The following DOCK6 variants were observed in gnomAD, a reference collection of about 807,000 sequenced individuals.
DOCK6 encodes dedicator of cytokinesis 6.
A neutral mutation model predicts 230.3 loss-of-function variants in DOCK6; 167 were observed. The ratio of observed to expected loss-of-function variants is 0.73; its 90% CI spans 0.64 to 0.82. DOCK6 has a LOEUF of 0.82. Ranked by LOEUF, DOCK6 falls within the 40% of genes least tolerant of loss-of-function variation. DOCK6 has a pLI of 0.00. For missense variants in DOCK6, 2,598 were observed against 2,825.8 expected, an observed-to-expected ratio of 0.92 and a Z score of 1.83; for synonymous variants, 1,148 against 1,185.0, an observed-to-expected ratio of 0.97 and a Z score of 0.64.
chr19:11,238,614 G>A, intron 14 of DOCK6: 1 of 322,644 alleles, frequency 3.1e-6, no homozygotes, highest in Non-Finnish European at 6.0e-6. Flanking sequence ...GCAGAGAATA[G>A]CGAGGCACTC....
At chr19:11,228,343 T>C (rs1308405588) in intron 23 of DOCK6, among the ~76,000 whole-genome samples, 2 of 152,126 alleles carry the variant, frequency 1.3e-5, no homozygotes, top group East Asian at 3.9e-4. Context: ...GAATATCTCC[T>C]GCAGGATGCA....
intron 22 of DOCK6, 39 bp downstream of exon 22, chr19:11,233,164 C>T: frequency 6.2e-7 from 1 of 1,602,414 alleles, no homozygotes; most frequent in Non-Finnish European, 8.5e-7. Flanking sequence ...GCAACCACAA[C>T]CACTGAGGCT....
rs759073489 is a variant in DOCK6, at chr19:11,214,559, G to GA, written c.4196dup (p.Val1400ArgfsTer123). The stretch of plus-strand genomic sequence containing the variant: ...ATGCTGGATCAAGCCCTACCTGCAC[G>GA]ATGATCTCCAGTGTGTCCAGAACCA... On this transcript the variant is annotated frameshift_variant, in exon 33 of 48. Coordinates refer to ENST00000294618, the MANE Select transcript of DOCK6 (RefSeq NM_020812.4). LOFTEE classifies it high-confidence loss of function. 1.9e-6 allele frequency: 3 copies of GA among 1,613,760 alleles called. No homozygotes were observed. Among genetic ancestry groups the GA allele is most frequent in the Non-Finnish European group, 2.5e-6 (3 of 1,179,868 alleles).
At position 11,236,081 on chromosome 19, in the gene DOCK6, T is replaced by G; in HGVS notation, c.2392+265A>C. 1.9e-6 allele frequency: 1 copy of G among 520,188 alleles called. No individual in the cohort carries two copies. Among genetic ancestry groups the G allele is most frequent in the Non-Finnish European group, 3.4e-6 (1 of 297,448 alleles). The allele number at this position is 520,188 out of a possible 1,614,324, so 32.2% of individuals were successfully genotyped here. A position where few individuals can be genotyped will look rare whatever the true frequency, so the allele number is the denominator to read the frequency against. ...TTTTAGTAGAGAAGGGGTTTCTCCA[T>G]GTTGGTCAGGCTGGTCTCAAACTCT... On this transcript the variant is annotated intron_variant, in intron 20 of 47. Transcript: ENST00000294618. The surrounding 1 kb of genome is among the most constrained non-coding windows in gnomAD (Gnocchi z 5.2).
chr19:11,229,294 C>T (rs1380549483), intron 22 of DOCK6: 1 of 1,274,448 alleles, frequency 7.8e-7, no homozygotes. Flanking sequence ...CCTCCCCCCA[C>T]TACCTTCTGC....
intron 3 of DOCK6, 41 bp downstream of exon 3, chr19:11,252,742 G>C: frequency 1.3e-6 from 2 of 1,596,210 alleles, no homozygotes; most frequent in Non-Finnish European, 1.7e-6. Context: ...GGCAGAGACA[G>C]AGTGGAATCA....
In DOCK6 at chr19:11,208,987, G is replaced by A. The variant is rs375864472; in HGVS notation, c.4868C>T (p.Ala1623Val). 33 of 1,610,196 alleles carry A rather than the reference G, an allele frequency of 2.0e-5. No individual in the cohort carries two copies. Among genetic ancestry groups the A allele is most frequent in the Admixed American group, 3.4e-5 (2 of 59,672 alleles). ...HAEAAQCMVH[A>V]AALVAEYLAL... ...GAGGTACTCAGCCACGAGGGCGGCC[G>A]CGTGCACCATGCACTGGGCGGCCTC... is the stretch of plus-strand genomic sequence containing the variant. The change falls in exon 38 of 48, where the codon GCG (alanine) becomes GTG (valine). Residue 1623 changes from alanine (A) to valine (V), a missense_variant. Coordinates refer to ENST00000294618, the MANE Select transcript of DOCK6 (RefSeq NM_020812.4).
chr19:11,252,411 G>A, intron 4 of DOCK6, 71 bp downstream of exon 4: 1 of 1,592,654 alleles, frequency 6.3e-7, no homozygotes, highest in Non-Finnish European at 8.6e-7. Flanking sequence ...TACACAGTAG[G>A]ACCGGCTGCA....
chr19:11,245,825 C>G lies in DOCK6; in HGVS notation c.860G>C (p.Arg287Pro). 6.4e-7 allele frequency: 1 copy of G among 1,573,998 alleles called. No individual in the cohort carries two copies. The highest frequency in any genetic ancestry group is 8.6e-7 in the Non-Finnish European group (1 of 1,159,360). ...IFGILALYDV[R>P]EKKKISENFY... ...AGGGCCTCCTACCTTCTTTTTCTCC[C>G]GCACATCATACAGAGCCAAGATCCC... is the stretch of plus-strand genomic sequence containing the variant. The change falls in exon 8 of 48, where the codon CGG (arginine) becomes CCG (proline). Residue 287 changes from arginine to proline, a missense_variant. Coordinates refer to ENST00000294618, the MANE Select transcript of DOCK6 (RefSeq NM_020812.4).
At chr19:11,253,035 C>A in intron 2 of DOCK6, 77 bp from the exon 3 acceptor site, 9 of 1,433,590 alleles carry the variant, frequency 6.3e-6, no homozygotes, top group Admixed American at 2.2e-5. Context: ...GGTGGGTGCG[C>A]GCTGGCTTCA....
At position 11,199,435 on chromosome 19, in the gene DOCK6, C is replaced by T. The variant is rs1004260711; in HGVS notation, c.*62G>A. 1.9e-6 allele frequency: 3 copies of T among 1,546,470 alleles called. No homozygotes were observed. The highest frequency in any genetic ancestry group is 1.4e-5 in the African/African-American group (1 of 73,042). On this transcript the variant is annotated 3_prime_UTR_variant, in exon 48 of 48. Transcript: ENST00000294618. ...TGGGCACCAGGGCAGACTCCCCTCG[C>T]AGCACAGACAGCTGAGGCCCGGGTG... is the stretch of plus-strand genomic sequence containing the variant.
chr19:11,245,985 C>A, intron 7 of DOCK6, 107 bp from the exon 8 acceptor site: 1 of 1,255,784 alleles, frequency 8.0e-7, no homozygotes, highest in Non-Finnish European at 1.1e-6. Context: ...CCCACTGGGC[C>A]ACATGGAACC....
intron 28 of DOCK6, among the ~76,000 whole-genome samples, chr19:11,220,332 T>C (rs1280591268): frequency 2.0e-5 from 3 of 152,098 alleles, no homozygotes; most frequent in African/African-American, 4.8e-5. Flanking sequence ...TTCTCTCCCC[T>C]AAAAAGTCTC....
intron 28 of DOCK6, among the ~76,000 whole-genome samples, chr19:11,219,970 T>G (rs1359815348): frequency 1.3e-5 from 2 of 151,854 alleles, no homozygotes; most frequent in African/African-American, 2.4e-5. Context: ...GTTTTTTTTT[T>G]GAGACAGAGT....
intron 28 of DOCK6, among the ~76,000 whole-genome samples, chr19:11,220,653 A>G (rs2079564688): frequency 6.6e-6 from 1 of 152,192 alleles, no homozygotes; most frequent in Non-Finnish European, 1.5e-5. Context: ...AGACAACAGA[A>G]GCAGACACAT....
intron 39 of DOCK6, chr19:11,208,447 AT>A (rs2079300755): frequency 2.5e-6 from 1 of 402,212 alleles, no homozygotes; most frequent in Non-Finnish European, 4.4e-6. Context: ...CGCCCGGCTA[AT>A]TTTTGTATTT....
At chr19:11,206,844 T>G (rs866207075) in intron 39 of DOCK6, among the ~76,000 whole-genome samples, 106 of 151,718 alleles carry the variant, frequency 7.0e-4, no homozygotes, top group African/African-American at 2.2e-3. Flanking sequence ...GTTTTTTTTT[T>G]TTTGTTTTTT....
At chr19:11,234,519 A>G (rs2079817075) in intron 21 of DOCK6, among the ~76,000 whole-genome samples, 1 of 152,158 alleles carries the variant, frequency 6.6e-6, no homozygotes, top group East Asian at 1.9e-4. Context: ...AAAAAAAAAA[A>G]AAATCCAACT....
rs752400797 is a variant in DOCK6 at position 11,204,108 on chromosome 19, G to A, written c.5221-13C>T. 1 of 1,509,206 alleles carries A rather than the reference G, an allele frequency of 6.6e-7. No homozygotes were observed. Among genetic ancestry groups the A allele is most frequent in the South Asian group, 1.2e-5 (1 of 83,274 alleles). 93.5% of individuals were successfully genotyped at this position (1,509,206 alleles called of 1,614,324 possible). A position where few individuals can be genotyped will look rare whatever the true frequency, so the allele number is the denominator to read the frequency against. On this transcript the variant is annotated splice_polypyrimidine_tract_variant and intron_variant, in intron 40 of 47. Coordinates refer to ENST00000294618, the MANE Select transcript of DOCK6 (RefSeq NM_020812.4). ...CCCAGCCGGAACTCTGTGGGGAAGA[G>A]AAGGGTCAAGGTCAGCAGATCCCTG...
Sources: allele counts gnomAD v4.1 joint callset (sites outside exome capture counted in the v4.1 genomes callset), GRCh38; gene constraint gnomAD v4.1.1; non-coding constraint Gnocchi (gnomAD v3.1); transcripts MANE v1.5; gene names NCBI Gene and HGNC (gene_info 2026-07-23, HGNC 2026-07-21).